RGS20: variants seen among roughly 807,000 people sequenced by gnomAD.
The protein encoded by RGS20 is gz-selective GTPase-activating protein.
In RGS20, 30 loss-of-function variants were observed where a neutral mutation model predicts 33.6. The ratio of observed to expected loss-of-function variants is 0.89; its 90% CI spans 0.67 to 1.21. RGS20 has a LOEUF of 1.21. Ranked by LOEUF, RGS20 falls within the 50% of genes most tolerant of loss-of-function variation. The probability of loss-of-function intolerance (pLI) is 0.00; values close to 1 mark genes in which losing one functional copy is unlikely to be tolerated. For synonymous variants in RGS20, 208 were observed against 197.9 expected, an observed-to-expected ratio of 1.05 and a Z score of -0.43; for missense variants, 472 against 502.4, an observed-to-expected ratio of 0.94 and a Z score of 0.58.
chr8:53,880,944 G>A lies in RGS20; in HGVS notation c.510+1342G>A, dbSNP rs978329869. On this transcript the variant is annotated intron_variant, in intron 2 of 5. Coordinates refer to ENST00000297313, the MANE Select transcript of RGS20 (RefSeq NM_170587.4). ...CGAGAGCCGGAGAAAGGCGAAAGGC[G>A]CGGTGAGCAATCGCCGACGTAGAGA... 1.5e-5 allele frequency: 24 copies of A among 1,562,638 alleles called. No individual in the cohort carries two copies. In the African/African-American group the frequency reaches 3.1e-4, roughly 20 times the overall value.
At chr8:53,944,146 T>C (rs1344064332) in intron 3 of RGS20, among the ~76,000 whole-genome samples, 1 of 152,016 alleles carries the variant, frequency 6.6e-6, no homozygotes, top group East Asian at 1.9e-4. Flanking sequence ...AAAACCCAAA[T>C]TGTCAGTGAT....
chr8:53,932,857 A>G (rs1786634208), intron 2 of RGS20, among the ~76,000 whole-genome samples: 1 of 152,078 alleles, frequency 6.6e-6, no homozygotes, highest in Admixed American at 6.5e-5. Context: ...GTCGACAGAC[A>G]CCTCATACAG....
At chr8:53,878,976 C>T (rs542737095) in intron 1 of RGS20, among the ~76,000 whole-genome samples, 3 of 152,256 alleles carry the variant, frequency 2.0e-5, no homozygotes, top group East Asian at 3.9e-4. Context: ...ATGCAGATTC[C>T]GATGCATTGG....
In RGS20 at chr8:53,958,307, G is replaced by T; in HGVS notation, c.1016G>T (p.Arg339Ile). The change falls in exon 6 of 6, where the codon AGA (arginine) becomes ATA (isoleucine). Residue 339 changes from arginine to isoleucine, a missense_variant. Physicochemically the swap from Arg to Ile is moderately conservative, Grantham distance 97 (BLOSUM62 -3). Coordinates refer to ENST00000297313, the MANE Select transcript of RGS20 (RefSeq NM_170587.4). The stretch of plus-strand genomic sequence containing the variant: ...TCCCGGGTGAGAGAAGTGATCAACA[G>T]AAACATGGTGGAGCCATCCCAACAC... 1.2e-6 allele frequency: 2 copies of T among 1,613,254 alleles called. No individual in the cohort carries two copies. Among genetic ancestry groups the T allele is most frequent in the Non-Finnish European group, 1.7e-6 (2 of 1,179,626 alleles).
intron 2 of RGS20, among the ~76,000 whole-genome samples, chr8:53,911,791 A>C (rs998559424): frequency 1.3e-5 from 2 of 152,092 alleles, no homozygotes; most frequent in Non-Finnish European, 2.9e-5. Flanking sequence ...ATACAAAAAA[A>C]TTAGCTGGTC....
chr8:53,927,503 C>T (rs1286444421), intron 2 of RGS20, among the ~76,000 whole-genome samples: 1 of 152,088 alleles, frequency 6.6e-6, no homozygotes, highest in African/African-American at 2.4e-5. Context: ...CCATGTCCAG[C>T]CCTCAGGCTG....
intron 1 of RGS20, among the ~76,000 whole-genome samples, chr8:53,855,004 G>A (rs1158594407): frequency 6.6e-6 from 1 of 152,128 alleles, no homozygotes; most frequent in Non-Finnish European, 1.5e-5. Flanking sequence ...GCTGAGTGGG[G>A]GAGAAAAAGC....
chr8:53,952,885 C>CA (rs1814750693), intron 4 of RGS20, among the ~76,000 whole-genome samples: 1 of 152,148 alleles, frequency 6.6e-6, no homozygotes, highest in South Asian at 2.1e-4. Flanking sequence ...AGAATTAACT[C>CA]AAAGGGGTAA....
intron 1 of RGS20, among the ~76,000 whole-genome samples, chr8:53,866,047 TG>T: frequency 6.6e-6 from 1 of 152,030 alleles, no homozygotes; most frequent in Non-Finnish European, 1.5e-5. Flanking sequence ...CTGAGGGAAA[TG>T]GCATCTAAGC....
intron 2 of RGS20, among the ~76,000 whole-genome samples, chr8:53,889,523 G>C (rs1812653340): frequency 7.2e-6 from 1 of 139,586 alleles, no homozygotes; most frequent in Non-Finnish European, 1.5e-5. Context: ...GAGACTATAG[G>C]TGTCCACCAC....
intron 3 of RGS20, chr8:53,945,239 A>T (rs1785626733): frequency 6.6e-6 from 1 of 152,194 alleles, no homozygotes; most frequent in African/African-American, 2.4e-5. Flanking sequence ...ACGAAATGTG[A>T]TGTGTCTATC....
intron 1 of RGS20, chr8:53,876,352 T>G (rs1198003962): frequency 6.6e-6 from 1 of 152,254 alleles, no homozygotes; most frequent in African/African-American, 2.4e-5. Flanking sequence ...CTGGTTGCTG[T>G]TCAGTAGCCA....
At chr8:53,944,410 C>CAT (rs1814403070) in intron 3 of RGS20, among the ~76,000 whole-genome samples, 1 of 151,776 alleles carries the variant, frequency 6.6e-6, no homozygotes, top group Non-Finnish European at 1.5e-5. Context: ...TGGTGGTGCG[C>CAT]GCCTGTAGTC....
chr8:53,922,845 G>A (rs1813690103), intron 2 of RGS20, among the ~76,000 whole-genome samples: 1 of 152,000 alleles, frequency 6.6e-6, no homozygotes, highest in East Asian at 1.9e-4. Flanking sequence ...ATTTTTTGTA[G>A]AGATGGGGTT....
chr8:53,879,845 A>C, intron 2 of RGS20: 1 of 417,568 alleles, frequency 2.4e-6, no homozygotes, highest in South Asian at 7.7e-5. Context: ...TTTCCTTTCC[A>C]TGGTCCAAGA....
At chr8:53,868,185 G>GA (rs1160336437) in intron 1 of RGS20, among the ~76,000 whole-genome samples, 1 of 152,202 alleles carries the variant, frequency 6.6e-6, no homozygotes. Flanking sequence ...ATTAGTCATT[G>GA]AATTCCTATT....
At chr8:53,952,742 G>T (rs1384988934) in intron 4 of RGS20, among the ~76,000 whole-genome samples, 4 of 151,978 alleles carry the variant, frequency 2.6e-5, no homozygotes, top group East Asian at 1.9e-4. Flanking sequence ...ATAAAATAAA[G>T]AAATAAAAAC....
chr8:53,865,080 T>C (rs968893192), intron 1 of RGS20, among the ~76,000 whole-genome samples: 14 of 152,214 alleles, frequency 9.2e-5, no homozygotes, highest in Non-Finnish European at 1.8e-4. Context: ...ACACAAAGCC[T>C]GGTTTATTAG....
intron 1 of RGS20, among the ~76,000 whole-genome samples, chr8:53,855,437 G>T (rs1811650992): frequency 6.6e-6 from 1 of 152,210 alleles, no homozygotes; most frequent in Admixed American, 6.5e-5. Context: ...TTAGGGATTA[G>T]GTAGGGTGGT....
Sources: allele counts gnomAD v4.1 joint callset (sites outside exome capture counted in the v4.1 genomes callset), GRCh38; gene constraint gnomAD v4.1.1; transcripts MANE v1.5; gene names NCBI Gene and HGNC (gene_info 2026-07-23, HGNC 2026-07-21).